The following XIRP2 variants were observed in gnomAD, a reference collection of about 807,000 sequenced individuals.
The protein encoded by XIRP2 is xin actin binding repeat containing 2.
XIRP2 carries 236 observed loss-of-function variants against 277.0 expected under a neutral mutation model. The ratio of observed to expected loss-of-function variants is 0.85; its 90% CI spans 0.77 to 0.95. The LOEUF (loss-of-function observed/expected upper bound fraction) is 0.95, where lower values mean the gene tolerates loss of function less well. Ranked by LOEUF, XIRP2 falls within the 40% of genes least tolerant of loss-of-function variation. The pLI is 0.00. For synonymous variants in XIRP2, 1,490 were observed against 1,416.5 expected (o/e 1.05, Z -1.17); for missense variants, 4,640 against 4,157.5 (o/e 1.12, Z -3.19).
At chr2:167,142,172 G>A (rs868204034) in intron 3 of XIRP2, among the ~76,000 whole-genome samples, 1 of 152,262 alleles carries the variant, frequency 6.6e-6, no homozygotes, top group South Asian at 2.1e-4. Context: ...GGAGAGCAGA[G>A]GGCAAAAAGT....
chr2:167,027,034 A>G (rs909351002), intron 2 of XIRP2, among the ~76,000 whole-genome samples: 4 of 151,962 alleles, frequency 2.6e-5, no homozygotes, highest in African/African-American at 9.7e-5. Context: ...ATATTTCCTG[A>G]ATGTGAATGT....
chr2:166,905,321 G>C (rs1684489291), intron 2 of XIRP2, among the ~76,000 whole-genome samples: 1 of 151,818 alleles, frequency 6.6e-6, no homozygotes, highest in Non-Finnish European at 1.5e-5. Context: ...ACTGACAAAA[G>C]AAATGACCAA....
At chr2:166,986,060 G>A (rs192809579) in intron 2 of XIRP2, among the ~76,000 whole-genome samples, 148 of 152,290 alleles carry the variant, frequency 9.7e-4, no homozygotes, top group Middle Eastern at 3.4e-3. Context: ...AGAGAGTACC[G>A]TGCTTTGCAA....
intron 2 of XIRP2, among the ~76,000 whole-genome samples, chr2:167,089,914 G>A (rs1210929612): frequency 6.6e-6 from 1 of 152,054 alleles, no homozygotes; most frequent in African/African-American, 2.4e-5. Flanking sequence ...TTCCTATCTG[G>A]ACCTTACGAG....
chr2:167,221,481 A>G (rs1341757953), intron 5 of XIRP2, among the ~76,000 whole-genome samples: 1 of 151,464 alleles, frequency 6.6e-6, no homozygotes, highest in African/African-American at 2.4e-5. Flanking sequence ...AAAAAAAAAA[A>G]AAAAGGAAAA....
chr2:167,248,816 C>T lies in XIRP2; in HGVS notation c.7424C>T (p.Thr2475Met), dbSNP rs201293447. The T allele has an allele frequency of 1.8e-4, 296 of 1,613,472 alleles. No homozygotes were observed. Among genetic ancestry groups the T allele is most frequent in the Middle Eastern group, 1.3e-3 (8 of 6,076 alleles). Residue 2475 changes from threonine to methionine, a missense_variant, in exon 9 of 11, where the codon ACG becomes ATG. Physicochemically the swap from Thr to Met is moderately conservative, Grantham distance 81. Transcript: ENST00000409195. The part of the protein sequence containing the change: ...KVMVMTSSEH[T>M]ETKQNVISKS... ...ATGGTGATGACCAGCAGTGAACACA[C>T]GGAGACAAAGCAGAACGTTATTAGT...
At chr2:167,193,271 A>T (rs1379670046) in intron 3 of XIRP2, among the ~76,000 whole-genome samples, 4 of 152,136 alleles carry the variant, frequency 2.6e-5, no homozygotes, top group Admixed American at 6.5e-5. Flanking sequence ...TTCAATTTGC[A>T]CCTCTTTCAT....
rs1268195257 is a variant in XIRP2, at chr2:167,249,028, A to G, written c.7636A>G (p.Ile2546Val). The change falls in exon 9 of 11, where the codon ATT (isoleucine) becomes GTT (valine). Residue 2546 changes from isoleucine (I) to valine (V), a missense_variant. Coordinates refer to ENST00000409195, the MANE Select transcript of XIRP2 (RefSeq NM_152381.6). ...YMRKFKTPLM[I>V]AEEKYRQQKE... ...GAGAAAATTTAAGACACCTTTAATG[A>G]TTGCTGAAGAAAAATATAGACAACA... 2 of 1,611,130 alleles carry G rather than the reference A, an allele frequency of 1.2e-6. No individual in the cohort carries two copies. Among genetic ancestry groups the G allele is most frequent in the African/African-American group, 2.7e-5 (2 of 74,560 alleles).
intron 4 of XIRP2, 147 bp from the exon 5 acceptor site, chr2:167,218,018 TG>T: frequency 1.7e-6 from 1 of 580,986 alleles, no homozygotes; most frequent in Non-Finnish European, 2.6e-6. Context: ...TTAAGGTTTT[TG>T]TTAAAGACAT....
intron 3 of XIRP2, among the ~76,000 whole-genome samples, chr2:167,191,962 C>T (rs1693352790): frequency 6.6e-6 from 1 of 150,616 alleles, no homozygotes; most frequent in African/African-American, 2.4e-5. Flanking sequence ...AATGCATCTT[C>T]CCCTAAAATC....
intron 2 of XIRP2, among the ~76,000 whole-genome samples, chr2:167,074,343 G>A (rs1689508077): frequency 6.6e-6 from 1 of 151,902 alleles, no homozygotes; most frequent in Non-Finnish European, 1.5e-5. Flanking sequence ...TCCATGCCTA[G>A]TCATTTCTCT....
At chr2:167,221,198 TG>T (rs1446392493) in intron 5 of XIRP2, among the ~76,000 whole-genome samples, 1 of 151,944 alleles carries the variant, frequency 6.6e-6, no homozygotes, top group Non-Finnish European at 1.5e-5. Context: ...TGTGGCCAGG[TG>T]CGGTGTCTCA....
intron 2 of XIRP2, among the ~76,000 whole-genome samples, chr2:167,112,294 T>A: frequency 6.6e-6 from 1 of 151,948 alleles, no homozygotes; most frequent in Non-Finnish European, 1.5e-5. Context: ...ATGTGGGCAT[T>A]AGTGTTATAA....
At chr2:167,051,662 A>G (rs532160768) in intron 2 of XIRP2, among the ~76,000 whole-genome samples, 3 of 152,146 alleles carry the variant, frequency 2.0e-5, no homozygotes, top group Admixed American at 6.6e-5. Flanking sequence ...TTAGTGTAGT[A>G]CATGGGTATG....
chr2:167,152,902 A>C (rs926375708), intron 3 of XIRP2, among the ~76,000 whole-genome samples: 1 of 152,128 alleles, frequency 6.6e-6, no homozygotes, highest in Non-Finnish European at 1.5e-5. Context: ...CACAGGCATT[A>C]AAGTCACAGA....
chr2:167,058,357 A>G lies in XIRP2; in HGVS notation c.409-77552A>G, dbSNP rs77365181. Reference sequence around the variant, plus strand: ...CAGCTTCCTGCAGTGCTGGGATTGCAGGCATGAGCCAAGGTGACTGGCCTC... The same window carrying G: ...CAGCTTCCTGCAGTGCTGGGATTGCGGGCATGAGCCAAGGTGACTGGCCTC... On this transcript the variant is annotated intron_variant, in intron 2 of 10. Coordinates refer to ENST00000409195, the MANE Select transcript of XIRP2 (RefSeq NM_152381.6). Among the ~76,000 whole-genome samples, 175 of 152,228 alleles carry G rather than the reference A, an allele frequency of 1.1e-3. 2 individuals are homozygous for G. In the East Asian group the frequency reaches 0.023, roughly 20 times the overall value.
intron 5 of XIRP2, among the ~76,000 whole-genome samples, chr2:167,223,372 C>G (rs990425025): frequency 6.6e-6 from 1 of 152,184 alleles, no homozygotes; most frequent in Non-Finnish European, 1.5e-5. Flanking sequence ...TGCCCTGCCA[C>G]TAACTCTGAT....
intron 2 of XIRP2, among the ~76,000 whole-genome samples, chr2:167,115,705 C>CCATG (rs1178656182): frequency 6.6e-6 from 1 of 152,100 alleles, no homozygotes; most frequent in Non-Finnish European, 1.5e-5. Flanking sequence ...AGGTAGGGAC[C>CCATG]ACAGTTGGCA....
intron 2 of XIRP2, among the ~76,000 whole-genome samples, chr2:167,024,646 G>C (rs878933201): frequency 2.0e-5 from 3 of 152,098 alleles, no homozygotes; most frequent in South Asian, 2.1e-4. Context: ...CTAATGTATT[G>C]AGAGTTTTTA....
Sources: gnomAD v4.1 joint callset for allele counts (sites outside exome capture counted in the v4.1 genomes callset) on GRCh38, gnomAD v4.1.1 for gene constraint, MANE v1.5 for transcripts, NCBI Gene and HGNC (gene_info 2026-07-23, HGNC 2026-07-21) for gene names.